The following FHL2 variants were observed in gnomAD, a reference collection of about 807,000 sequenced individuals.
FHL2 encodes the protein four and a half LIM domains protein 2.
In FHL2, 20 loss-of-function variants were observed where a neutral mutation model predicts 32.7. The observed-to-expected ratio is 0.61, with a 90% CI of 0.43 to 0.89. The LOEUF (loss-of-function observed/expected upper bound fraction) is 0.89, where lower values mean the gene tolerates loss of function less well. Among genes scored for constraint, FHL2 ranks in the 40% least tolerant of loss-of-function variants. The pLI, the probability that FHL2 is intolerant of heterozygous loss-of-function variation, is 0.00. For synonymous variants in FHL2, 123 were observed against 128.1 expected (o/e 0.96, Z 0.27); for missense variants, 311 against 358.6 (o/e 0.87, Z 1.07).
In FHL2 at chr2:105,405,527, A is replaced by G. The variant is rs368858627; in HGVS notation, c.-24-18987T>C. Among the ~76,000 whole-genome samples, 4 of 152,302 alleles carry G rather than the reference A, an allele frequency of 2.6e-5. No individual in the cohort carries two copies. In the East Asian group the frequency reaches 5.8e-4, roughly 22 times the overall value. On this transcript the variant is annotated intron_variant, in intron 1 of 5. Transcript: ENST00000393352. ...CCCTGATTCAAGTGATTCCCCTGCC[A>G]TGGCCTCCCAAAGTGCTAGGATTAC...
intron 1 of FHL2, among the ~76,000 whole-genome samples, chr2:105,417,200 G>T (rs1256373379): frequency 6.6e-6 from 1 of 151,496 alleles, no homozygotes; most frequent in Non-Finnish European, 1.5e-5. Flanking sequence ...TGGCTAACAC[G>T]GTGAAACCCC....
intron 2 of FHL2, among the ~76,000 whole-genome samples, chr2:105,387,641 T>G (rs1182284984): frequency 6.6e-6 from 1 of 152,208 alleles, no homozygotes; most frequent in Non-Finnish European, 1.5e-5. Flanking sequence ...AAGGGAACAT[T>G]TATACACTGT....
At chr2:105,432,999 G>A (rs72836940) in intron 1 of FHL2, among the ~76,000 whole-genome samples, 9,889 of 152,226 alleles carry the variant, frequency 0.065, 625 homozygotes, top group East Asian at 0.25. Context: ...AAACACAACA[G>A]TTTGGTTCAG....
chr2:105,404,649 G>A (rs1043496023), intron 1 of FHL2, among the ~76,000 whole-genome samples: 5 of 152,188 alleles, frequency 3.3e-5, no homozygotes, highest in African/African-American at 9.7e-5. Context: ...TTACAGGAAC[G>A]ATCTTGCAGG....
chr2:105,394,529 C>A (rs568878894), intron 2 of FHL2, among the ~76,000 whole-genome samples: 14 of 149,550 alleles, frequency 9.4e-5, no homozygotes, highest in African/African-American at 3.5e-4. Context: ...GCTATGATGG[C>A]ACCTGTGAAA....
chr2:105,378,166 C>T (rs549347003), intron 3 of FHL2: 1 of 471,160 alleles, frequency 2.1e-6, no homozygotes, highest in South Asian at 1.5e-5. Context: ...GGGTCCAAGG[C>T]ACTGCAGAAT....
chr2:105,390,705 A>G (rs1478448498), intron 2 of FHL2, among the ~76,000 whole-genome samples: 2 of 152,192 alleles, frequency 1.3e-5, no homozygotes, highest in African/African-American at 2.4e-5. Context: ...TAAAAAGTCC[A>G]TGAGCTAATA....
intron 4 of FHL2, among the ~76,000 whole-genome samples, chr2:105,371,774 T>C (rs1681093410): frequency 1.3e-5 from 2 of 152,206 alleles, no homozygotes. Flanking sequence ...CTTGGGCCCT[T>C]GTTCAGGAAA....
downstream of FHL2, chr2:105,359,136 A>G (rs183806971): frequency 4.6e-5 from 7 of 152,314 alleles, no homozygotes; most frequent in Admixed American, 2.0e-4. Flanking sequence ...TTTGTCCAGA[A>G]TGACTGTTAA....
chr2:105,366,420 A>C (rs1394177390), intron 5 of FHL2, among the ~76,000 whole-genome samples: 3 of 152,226 alleles, frequency 2.0e-5, no homozygotes, highest in Non-Finnish European at 4.4e-5. Flanking sequence ...AGCAGAGTCA[A>C]TAACAGGAGG....
In FHL2 at chr2:105,363,341, T is replaced by A. The variant is rs751652242; in HGVS notation, c.632A>T (p.Asn211Ile). The A allele has an allele frequency of 6.2e-7, 1 of 1,614,130 alleles. No individual in the cohort carries two copies. The highest frequency in any genetic ancestry group is 1.1e-5 in the South Asian group (1 of 91,084). ...CTTGGCATACAAGTCACAGAAGCAG[T>A]TCAGGCAGTAGGCAAAGTCATCGCG... ...TARDDFAYCLNCFCDLYAKKC... is the reference protein window; with the variant it reads ...TARDDFAYCLICFCDLYAKKC... The change falls in exon 6 of 7, where the codon AAC becomes ATC. Residue 211 changes from asparagine to isoleucine, a missense_variant. Physicochemically the swap from Asn to Ile is moderately radical, Grantham distance 149. Transcript: ENST00000530340.
At chr2:105,432,843 C>A (rs891999545) in intron 1 of FHL2, among the ~76,000 whole-genome samples, 1 of 152,208 alleles carries the variant, frequency 6.6e-6, no homozygotes, top group African/African-American at 2.4e-5. Context: ...GTAAAAAACA[C>A]GTCCTTGTGC....
At chr2:105,431,011 T>C (rs1454201536) in intron 1 of FHL2, among the ~76,000 whole-genome samples, 3 of 152,222 alleles carry the variant, frequency 2.0e-5, no homozygotes, top group African/African-American at 7.2e-5. Context: ...AAGCCTCCCA[T>C]ATCACGAAAT....
intron 1 of FHL2, among the ~76,000 whole-genome samples, chr2:105,435,014 T>C (rs1431733052): frequency 6.6e-6 from 1 of 152,208 alleles, no homozygotes; most frequent in Non-Finnish European, 1.5e-5. Flanking sequence ...ATAGAAAATT[T>C]AGTAAACTAT....
At chr2:105,432,071 C>CT in intron 1 of FHL2, among the ~76,000 whole-genome samples, 1 of 152,200 alleles carries the variant, frequency 6.6e-6, no homozygotes, top group East Asian at 1.9e-4. Flanking sequence ...GTGGAGAGCC[C>CT]TGTCTTAATT....
At chr2:105,418,973 C>T (rs1684019544) in intron 1 of FHL2, among the ~76,000 whole-genome samples, 1 of 152,182 alleles carries the variant, frequency 6.6e-6, no homozygotes, top group African/African-American at 2.4e-5. Flanking sequence ...TCCACAGTTT[C>T]AGGCATGCAC....
At chr2:105,422,395 C>T (rs1243775009) in intron 1 of FHL2, among the ~76,000 whole-genome samples, 2 of 152,072 alleles carry the variant, frequency 1.3e-5, no homozygotes, top group Admixed American at 6.6e-5. Flanking sequence ...TGGTGCTTCT[C>T]AGATAAGACA....
intron 4 of FHL2, among the ~76,000 whole-genome samples, chr2:105,371,351 C>T (rs1681048749): frequency 6.6e-6 from 1 of 152,102 alleles, no homozygotes; most frequent in South Asian, 2.1e-4. Context: ...ACTAAGGTTT[C>T]CCTAAGGGCA....
At chr2:105,385,968 A>C in intron 3 of FHL2, 1 of 349,962 alleles carries the variant, frequency 2.9e-6, no homozygotes, top group Non-Finnish European at 5.1e-6. Flanking sequence ...GTACACATTC[A>C]TTCATCAAAT....
Sources: gnomAD v4.1 joint callset for allele counts (sites outside exome capture counted in the v4.1 genomes callset) on GRCh38, gnomAD v4.1.1 for gene constraint, MANE v1.5 for transcripts, NCBI Gene and HGNC (gene_info 2026-07-23, HGNC 2026-07-21) for gene names.